Variants in NBPF20 observed in about 807,000 individuals in gnomAD.
NBPF20 encodes the protein NBPF member 20.
NBPF20 carries 90 observed loss-of-function variants against 68.1 expected under a neutral mutation model. That is an observed-to-expected ratio of 1.32 (90% CI 1.11 to 1.58). NBPF20 has a LOEUF of 1.58. NBPF20 is among the 40% of genes most tolerant of loss of function. The probability of loss-of-function intolerance (pLI) is 0.00; values close to 1 mark genes in which losing one functional copy is unlikely to be tolerated. For synonymous variants in NBPF20, 290 were observed against 228.1 expected (o/e 1.27, Z -2.45); for missense variants, 816 against 601.2 (o/e 1.36, Z -3.74).
At chr1:145,402,427 G>A (rs1401997829) in intron 3 of NBPF20, 46 bp from the exon 9 acceptor site, 435 of 1,599,398 alleles carry the variant, frequency 2.7e-4, no homozygotes, top group Middle Eastern at 2.5e-3. Context: ...AAGGTTCAGT[G>A]ATCCGCTCAA....
At chr1:145,311,766 G>C (rs1292702664) in intron 112 of NBPF20, among the ~76,000 whole-genome samples, 13 of 48,438 alleles carry the variant, frequency 2.7e-4, no homozygotes, top group African/African-American at 2.0e-3. Context: ...TTTTCCAATC[G>C]ATTTAAAGCA....
At chr1:145,422,056 G>A in the NBPF20 span, among the ~76,000 whole-genome samples, 2 of 151,576 alleles carry the variant, frequency 1.3e-5, no homozygotes, top group African/African-American at 4.9e-5. Context: ...AAAAAAAATG[G>A]TTCGATGTAG....
At chr1:145,404,095 G>A (rs1553666277) in intron 2 of NBPF20, among the ~76,000 whole-genome samples, 2 of 135,256 alleles carry the variant, frequency 1.5e-5, no homozygotes, top group Admixed American at 7.6e-5. Flanking sequence ...GAGCCCAGGA[G>A]ACAGGCTGAG....
At chr1:145,416,225 A>C in the NBPF20 span, among the ~76,000 whole-genome samples, 1 of 142,234 alleles carries the variant, frequency 7.0e-6, no homozygotes, top group South Asian at 2.3e-4. Flanking sequence ...AGCAGATTTT[A>C]AAAAATTCCT....
rs1343680889 is a variant in NBPF20 at position 145,405,392 on chromosome 1, C to G, written c.-36+18G>C. ...AATCAGGACTGAGGGATGTCAGTAACTGAAATTCTTACCTTACTGTTGTGA... is the reference window on the plus strand; with the variant it reads ...AATCAGGACTGAGGGATGTCAGTAAGTGAAATTCTTACCTTACTGTTGTGA... On this transcript the variant is annotated intron_variant, in intron 1 of 137. Coordinates refer to ENST00000369373, the Ensembl canonical transcript of NBPF20. 3.0e-5 allele frequency: 46 copies of G among 1,537,180 alleles called. No individual in the cohort carries two copies. Among genetic ancestry groups the G allele is most frequent in the Non-Finnish European group, 4.0e-5 (45 of 1,130,966 alleles).
upstream of NBPF20, among the ~76,000 whole-genome samples, chr1:145,410,375 C>T (rs1286369437): frequency 4.7e-5 from 7 of 148,112 alleles, no homozygotes; most frequent in African/African-American, 1.7e-4. Flanking sequence ...AGTGCAGTGG[C>T]GGGATCTCGG....
exon 138 of NBPF20, chr1:145,290,319 C>A (rs1411960981): frequency 1.3e-5 from 2 of 149,200 alleles, no homozygotes; most frequent in African/African-American, 2.6e-5. Context: ...ATCTCCTAGA[C>A]CCCTCCTTAA....
intron 2 of NBPF20, among the ~76,000 whole-genome samples, chr1:145,404,545 C>A (rs1265820411): frequency 6.6e-6 from 1 of 152,100 alleles, no homozygotes; most frequent in East Asian, 1.9e-4. Context: ...GAGTGAGCCA[C>A]GTTGCACGGC....
At chr1:145,395,720 T>A (rs1390497667) in intron 7 of NBPF20, among the ~76,000 whole-genome samples, 1 of 142,854 alleles carries the variant, frequency 7.0e-6, no homozygotes, top group East Asian at 2.0e-4. Flanking sequence ...GGGTCTGGAG[T>A]GGACTTCCAG....
At chr1:145,294,708 C>T in intron 134 of NBPF20, 74 bp downstream of exon 139, 2 of 140,712 alleles carry the variant, frequency 1.4e-5, no homozygotes, top group South Asian at 8.0e-5. Flanking sequence ...CAGTAAGGGC[C>T]ACTTGGAACA....
upstream of NBPF20, among the ~76,000 whole-genome samples, chr1:145,407,606 T>C (rs1662860201): frequency 6.7e-6 from 1 of 149,198 alleles, no homozygotes; most frequent in East Asian, 1.9e-4. Context: ...ATATTTTTCT[T>C]TTTTAAGTGG....
Position 145,393,387 on chromosome 1 carries a change from T to C in NBPF20, c.1044-141A>G, listed in dbSNP as rs1662014176. On this transcript the variant is annotated intron_variant, in intron 9 of 137. Transcript: ENST00000369373. ...TTAATGAGGTAAGAAATTATTGCCT[T>C]TATGTTGGGATAGACTAGGGCCAGG... 1.7e-5 allele frequency: 12 copies of C among 714,384 alleles called. 1 individual carries two copies. The highest frequency in any genetic ancestry group is 3.6e-4 in the Middle Eastern group (1 of 2,744). The allele number at this position is 714,384 out of a possible 1,614,324, so 44.3% of individuals were successfully genotyped here.
chr1:145,415,338 C>T, the NBPF20 span, among the ~76,000 whole-genome samples: 22 of 151,934 alleles, frequency 1.4e-4, no homozygotes, highest in South Asian at 4.2e-4. Flanking sequence ...TGCCCAGGGA[C>T]GAGCCGGAGA....
chr1:145,410,120 C>A (rs1484893807), upstream of NBPF20, among the ~76,000 whole-genome samples: 2 of 151,954 alleles, frequency 1.3e-5, no homozygotes, highest in African/African-American at 4.8e-5. Flanking sequence ...TCAAAGGAGC[C>A]ATACCATTTT....
chr1:145,409,736 G>C (rs587665885), upstream of NBPF20, among the ~76,000 whole-genome samples: 1 of 151,802 alleles, frequency 6.6e-6, no homozygotes, highest in Non-Finnish European at 1.5e-5. Context: ...TGAGGTTCCA[G>C]AGGAAGGTCT....
chr1:145,407,470 TAATA>T (rs371469154), upstream of NBPF20, among the ~76,000 whole-genome samples: 68 of 147,072 alleles, frequency 4.6e-4, 1 homozygote, highest in South Asian at 1.1e-3. Context: ...CACGTATATA[TAATA>T]TATATACAAA....
the NBPF20 span, among the ~76,000 whole-genome samples, chr1:145,418,999 G>A: frequency 7.0e-6 from 1 of 143,136 alleles, no homozygotes; most frequent in African/African-American, 2.6e-5. Flanking sequence ...AAGAAAAAGA[G>A]AGAGCATGAG....
At chr1:145,422,987 GAA>G in the NBPF20 span, among the ~76,000 whole-genome samples, 1 of 114,432 alleles carries the variant, frequency 8.7e-6, no homozygotes. Context: ...GGCCCTGTCT[GAA>G]AAAAAAAAAG....
intron 7 of NBPF20, among the ~76,000 whole-genome samples, chr1:145,398,020 A>C (rs1311614401): frequency 6.6e-6 from 1 of 152,234 alleles, no homozygotes; most frequent in Non-Finnish European, 1.5e-5. Flanking sequence ...GGATCAATTC[A>C]ACAAGAGTTA....
Sources: allele counts gnomAD v4.1 joint callset (sites outside exome capture counted in the v4.1 genomes callset), GRCh38; gene constraint gnomAD v4.1.1; transcripts MANE v1.5; gene names NCBI Gene and HGNC (gene_info 2026-07-23, HGNC 2026-07-21).